RAPGEF1: variants seen among roughly 807,000 people sequenced by gnomAD.
RAPGEF1 encodes Rap guanine nucleotide exchange factor 1, also known as CRK SH3-binding GNRP.
In RAPGEF1, 33 loss-of-function variants were observed where a neutral mutation model predicts 143.3. That is an observed-to-expected ratio of 0.23 (90% confidence interval 0.17 to 0.31). The LOEUF (loss-of-function observed/expected upper bound fraction) is 0.31. Among genes scored for constraint, RAPGEF1 ranks in the 10% least tolerant of loss-of-function variants. The pLI, the probability that RAPGEF1 is intolerant of heterozygous loss-of-function variation, is 1.00. For synonymous variants in RAPGEF1, 629 were observed against 676.5 expected (o/e 0.93, Z 1.09); for missense variants, 1,199 against 1,645.4 (o/e 0.73, Z 4.69).
chr9:131,664,352 A>G (rs1482818315), intron 1 of RAPGEF1, among the ~76,000 whole-genome samples: 3 of 152,148 alleles, frequency 2.0e-5, no homozygotes, highest in African/African-American at 7.2e-5. Context: ...TGCCACTGGG[A>G]TGTCACTGTT....
At chr9:131,633,605 G>A (rs1365717220) in intron 5 of RAPGEF1, among the ~76,000 whole-genome samples, 1 of 152,180 alleles carries the variant, frequency 6.6e-6, no homozygotes, top group African/African-American at 2.4e-5. Flanking sequence ...AAACAATCCT[G>A]GAATGACAGG....
chr9:131,664,433 AAT>A (rs1474462914), intron 1 of RAPGEF1, among the ~76,000 whole-genome samples: 1 of 152,152 alleles, frequency 6.6e-6, no homozygotes, highest in Non-Finnish European at 1.5e-5. Flanking sequence ...TATATAATTA[AAT>A]ATGAGTGTGT....
chr9:131,650,757 C>G lies in RAPGEF1; in HGVS notation c.201+53G>C. ...GGAGGGAACATACAAATCGCACAAA[C>G]TCATATTGCTGGAAGCAGGTGAGGC... is the stretch of plus-strand genomic sequence containing the variant. On this transcript the variant is annotated intron_variant, in intron 2 of 26. Transcript: ENST00000683357. The surrounding 1 kb of genome is among the most constrained non-coding windows in gnomAD (Gnocchi z 4.7). 6.3e-7 allele frequency: 1 copy of G among 1,596,414 alleles called. No homozygotes were observed. Among genetic ancestry groups the G allele is most frequent in the Non-Finnish European group, 8.5e-7 (1 of 1,171,528 alleles).
At chr9:131,604,802 C>A in intron 13 of RAPGEF1, 129 bp downstream of exon 13, 1 of 1,178,026 alleles carries the variant, frequency 8.5e-7, no homozygotes, top group South Asian at 1.5e-5. Flanking sequence ...GCGCTGGCAG[C>A]CCCCAACTGC....
intron 3 of RAPGEF1, among the ~76,000 whole-genome samples, chr9:131,645,511 G>A (rs991392546): frequency 5.9e-5 from 9 of 152,204 alleles, no homozygotes; most frequent in Non-Finnish European, 1.5e-5. Flanking sequence ...CCTCCTAAAG[G>A]AGCCAACAAT....
Position 131,604,919 on chromosome 9 carries a change from C to T in RAPGEF1, c.2319+12G>A. 1 of 1,294,734 alleles carries T rather than the reference C, an allele frequency of 7.7e-7. No individual in the cohort carries two copies. The highest frequency in any genetic ancestry group is 1.0e-6 in the Non-Finnish European group (1 of 981,862). 80.2% of individuals were successfully genotyped at this position (1,294,734 alleles called of 1,614,324 possible). A position where few individuals can be genotyped will look rare whatever the true frequency, so the allele number is the denominator to read the frequency against. On this transcript the variant is annotated intron_variant, in intron 13 of 26. Coordinates refer to ENST00000683357, the MANE Select transcript of RAPGEF1 (RefSeq NM_001377935.1). ...GTGTGTGTGTGTGTGTGTGTGCACG[C>T]TGAGTTCTCACCGAGTCAGTGAAAG... is the stretch of plus-strand genomic sequence containing the variant.
At chr9:131,635,953 C>T (rs1251903312) in intron 5 of RAPGEF1, among the ~76,000 whole-genome samples, 1 of 152,210 alleles carries the variant, frequency 6.6e-6, no homozygotes, top group Non-Finnish European at 1.5e-5. Context: ...CAAATGCCAG[C>T]GTCACAGTGT....
intron 1 of RAPGEF1, among the ~76,000 whole-genome samples, chr9:131,714,209 T>C (rs1835699944): frequency 6.6e-6 from 1 of 152,106 alleles, no homozygotes; most frequent in Non-Finnish European, 1.5e-5. Flanking sequence ...AGGGGTAATA[T>C]TGTGGCCACT....
chr9:131,625,738 G>T (rs1370234756), intron 10 of RAPGEF1, among the ~76,000 whole-genome samples, 184 bp downstream of exon 10: 7 of 152,170 alleles, frequency 4.6e-5, no homozygotes, highest in African/African-American at 1.7e-4. Context: ...AGCTGATGAG[G>T]CTTTAAAAAT....
At chr9:131,689,969 T>C (rs936287712) in intron 1 of RAPGEF1, among the ~76,000 whole-genome samples, 3 of 152,268 alleles carry the variant, frequency 2.0e-5, no homozygotes, top group Non-Finnish European at 2.9e-5. Flanking sequence ...TTCTGGCATC[T>C]TGTTTTTATA....
intron 1 of RAPGEF1, among the ~76,000 whole-genome samples, chr9:131,668,888 T>C (rs1189201288): frequency 6.6e-6 from 1 of 152,198 alleles, no homozygotes; most frequent in Admixed American, 6.5e-5. Context: ...GTCTTTTAGG[T>C]GGAGTTGTTT....
At chr9:131,604,132 C>G (rs1588364958) in intron 13 of RAPGEF1, 79 bp from the exon 14 acceptor site, 2 of 867,454 alleles carry the variant, frequency 2.3e-6, no homozygotes, top group East Asian at 1.2e-4. Flanking sequence ...GGGGATGCCA[C>G]AGCCTGCACT....
At chr9:131,590,311 A>G (rs753557159) in intron 18 of RAPGEF1, among the ~76,000 whole-genome samples, 4 of 152,106 alleles carry the variant, frequency 2.6e-5, no homozygotes, top group Non-Finnish European at 5.9e-5. Flanking sequence ...GCCTTGCTGA[A>G]CTTTAGGTAG....
At chr9:131,705,912 C>A (rs768829237) in intron 1 of RAPGEF1, among the ~76,000 whole-genome samples, 1 of 152,166 alleles carries the variant, frequency 6.6e-6, no homozygotes, top group South Asian at 2.1e-4. Context: ...TGGAAACACA[C>A]GTAAATGATC....
At chr9:131,736,018 C>T (rs1486011123) in intron 1 of RAPGEF1, among the ~76,000 whole-genome samples, 2 of 152,334 alleles carry the variant, frequency 1.3e-5, no homozygotes, top group Admixed American at 6.5e-5. Flanking sequence ...ATCAACTCTC[C>T]TCGCTCAATG....
chr9:131,656,162 C>T (rs548804143), intron 1 of RAPGEF1, among the ~76,000 whole-genome samples: 14 of 152,330 alleles, frequency 9.2e-5, no homozygotes, highest in Admixed American at 2.6e-4. Context: ...TCTTATTTCC[C>T]AGCTGCTTCC....
At chr9:131,606,293 G>T (rs530729926) in intron 12 of RAPGEF1, among the ~76,000 whole-genome samples, 207 of 152,304 alleles carry the variant, frequency 1.4e-3, no homozygotes, top group Non-Finnish European at 2.2e-3. Context: ...CACGTGGAGA[G>T]AATCTAATGA....
intron 1 of RAPGEF1, among the ~76,000 whole-genome samples, chr9:131,732,007 A>G (rs889806726): frequency 2.6e-5 from 4 of 152,206 alleles, no homozygotes; most frequent in Non-Finnish European, 5.9e-5. Context: ...TGACCAGCAG[A>G]CAGCAGATTT....
At chr9:131,619,639 C>T (rs1231944441) in intron 11 of RAPGEF1, among the ~76,000 whole-genome samples, 1 of 152,198 alleles carries the variant, frequency 6.6e-6, no homozygotes, top group Non-Finnish European at 1.5e-5. Flanking sequence ...TTGGGCACTA[C>T]TTAAAGGTCT....
Sources: gnomAD v4.1 joint callset for allele counts (sites outside exome capture counted in the v4.1 genomes callset) on GRCh38, gnomAD v4.1.1 for gene constraint, Gnocchi (gnomAD v3.1) non-coding constraint, MANE v1.5 for transcripts, NCBI Gene and HGNC (gene_info 2026-07-23, HGNC 2026-07-21) for gene names.